The following PTPRG variants were observed in gnomAD, a reference collection of about 807,000 sequenced individuals.
The protein encoded by PTPRG is receptor-type tyrosine-protein phosphatase gamma.
In PTPRG, 102 loss-of-function variants were observed where a neutral mutation model predicts 165.3. That is an observed-to-expected ratio of 0.62 (90% CI 0.53 to 0.73). The LOEUF is 0.73. Ranked by LOEUF, PTPRG falls within the 30% of genes least tolerant of loss-of-function variation. The probability of loss-of-function intolerance (pLI) is 0.00; values close to 1 mark genes in which losing one functional copy is unlikely to be tolerated. For synonymous variants in PTPRG, 675 were observed against 669.5 expected (o/e 1.01, Z -0.13); for missense variants, 1,866 against 1,861.4 (o/e 1.00, Z -0.05).
At chr3:61,872,157 T>C (rs1261752818) in intron 2 of PTPRG, among the ~76,000 whole-genome samples, 2 of 152,202 alleles carry the variant, frequency 1.3e-5, no homozygotes, top group Non-Finnish European at 2.9e-5. Context: ...GAAAGTAACG[T>C]GTACTTTCAC....
intron 2 of PTPRG, among the ~76,000 whole-genome samples, chr3:61,814,483 A>C (rs2035696076): frequency 6.6e-6 from 1 of 152,108 alleles, no homozygotes; most frequent in Non-Finnish European, 1.5e-5. Context: ...TATCTGACTT[A>C]CTGTAGTTCA....
rs201891174 is a variant in PTPRG at position 62,225,518 on chromosome 3, G to T, written c.2289-5707G>T. On this transcript the variant is annotated intron_variant, in intron 13 of 29. Transcript: ENST00000474889. ...GTATTACAAAGATATTTTTAGTTTT[G>T]TTTTTTTTTTTTCTGTAATCCTGAG... Among the ~76,000 whole-genome samples the T allele has an allele frequency of 6.2e-4, 88 of 141,296 alleles. 2 individuals are homozygous for T. In the East Asian group the frequency reaches 0.011, roughly 18 times the overall value. The allele number at this position is 141,296 out of a possible 152,430, so 92.7% of individuals were successfully genotyped here. A position where few individuals can be genotyped will look rare whatever the true frequency, so the allele number is the denominator to read the frequency against.
chr3:61,670,764 T>C (rs1012810414), intron 1 of PTPRG, among the ~76,000 whole-genome samples: 2 of 152,210 alleles, frequency 1.3e-5, no homozygotes, highest in Non-Finnish European at 2.9e-5. Context: ...GAATTTGTCA[T>C]GGTTGAGTCT....
chr3:61,968,670 T>G (rs1250904183), intron 2 of PTPRG, among the ~76,000 whole-genome samples: 1 of 152,150 alleles, frequency 6.6e-6, no homozygotes, highest in Non-Finnish European at 1.5e-5. Flanking sequence ...AAAATTAAGG[T>G]GCTACCATTT....
chr3:61,729,302 A>C (rs1442608628), intron 1 of PTPRG, among the ~76,000 whole-genome samples: 1 of 149,780 alleles, frequency 6.7e-6, no homozygotes, highest in African/African-American at 2.6e-5. Context: ...GCTTGATACC[A>C]ACATTTTTAA....
chr3:62,125,295 A>G (rs1703247193), intron 5 of PTPRG, among the ~76,000 whole-genome samples: 1 of 152,202 alleles, frequency 6.6e-6, no homozygotes, highest in South Asian at 2.1e-4. Flanking sequence ...TGTTTGATCC[A>G]ATGTGCCTTG....
intron 5 of PTPRG, among the ~76,000 whole-genome samples, chr3:62,092,759 G>A (rs1701985904): frequency 2.0e-5 from 3 of 152,130 alleles, no homozygotes. Flanking sequence ...ACAGGTGACT[G>A]GTATGTAGTA....
Position 61,845,628 on chromosome 3 carries a change from A to T in PTPRG, c.190+96646A>T, listed in dbSNP as rs187715605. Among the ~76,000 whole-genome samples the T allele has an allele frequency of 4.6e-4, 70 of 152,320 alleles. 2 individuals carry two copies. Among genetic ancestry groups the T allele is most frequent in the African/African-American group, 1.6e-3 (68 of 41,578 alleles). On this transcript the variant is annotated intron_variant, in intron 2 of 29. Coordinates refer to ENST00000474889, the MANE Select transcript of PTPRG (RefSeq NM_002841.4). ...GAGTATTCTCTCTGTAAAGGTGTAT[A>T]TTGTGGAAGATGAAAAAAGGAAGCT...
intron 5 of PTPRG, among the ~76,000 whole-genome samples, chr3:62,110,089 CTTTTTTTTTTTTTT>C (rs371457716): frequency 1.3e-5 from 1 of 79,962 alleles, no homozygotes; most frequent in Admixed American, 1.6e-4. Flanking sequence ...GAAATAATGG[CTTTTTTTTTTTTTT>C]TTTTTTTTTG....
At chr3:61,998,615 AAATTTACTTCTT>A (rs2041096363) in intron 3 of PTPRG, among the ~76,000 whole-genome samples, 1 of 152,186 alleles carries the variant, frequency 6.6e-6, no homozygotes, top group African/African-American at 2.4e-5. Context: ...CCATGCTCAG[AAATTTACTTCTT>A]GTATCAAGAA....
At chr3:61,900,155 A>T (rs1353348676) in intron 2 of PTPRG, among the ~76,000 whole-genome samples, 2 of 151,212 alleles carry the variant, frequency 1.3e-5, no homozygotes, top group Non-Finnish European at 1.5e-5. Context: ...TTTTTTTTTT[A>T]AATACCCAAA....
chr3:61,984,834 C>T lies in PTPRG; in HGVS notation c.191-4791C>T, dbSNP rs115573963. On this transcript the variant is annotated intron_variant, in intron 2 of 29. Coordinates refer to ENST00000474889, the MANE Select transcript of PTPRG (RefSeq NM_002841.4). ...GATCTCTGACAGTGTTTTAGTCTTTCTCATGACCTTGACACTTTTGAGGAG... is the reference window on the plus strand; with the variant it reads ...GATCTCTGACAGTGTTTTAGTCTTTTTCATGACCTTGACACTTTTGAGGAG... Among the ~76,000 whole-genome samples, 925 of 152,310 alleles carry T rather than the reference C, an allele frequency of 6.1e-3. 15 individuals carry two copies. The highest frequency in any genetic ancestry group is 0.021 in the African/African-American group (883 of 41,564).
In PTPRG at chr3:61,807,263, C is replaced by G. The variant is rs866556678; in HGVS notation, c.190+58281C>G. On this transcript the variant is annotated intron_variant, in intron 2 of 29. Coordinates refer to ENST00000474889, the MANE Select transcript of PTPRG (RefSeq NM_002841.4). ...AGATTGATAAGAAAGGATTACCACTCTGAGAGACCCTAACTTGATGAGCAA... is the reference window on the plus strand; with the variant it reads ...AGATTGATAAGAAAGGATTACCACTGTGAGAGACCCTAACTTGATGAGCAA... Among the ~76,000 whole-genome samples the G allele has an allele frequency of 3.3e-5, 5 of 152,320 alleles. No homozygotes were observed. In the South Asian group the frequency reaches 6.2e-4, roughly 19 times the overall value.
chr3:62,240,322 G>A lies in PTPRG; in HGVS notation c.2376-3485G>A, dbSNP rs1701130325. On this transcript the variant is annotated intron_variant, in intron 14 of 29. Transcript: ENST00000474889. The surrounding 1 kb of genome is among the most constrained non-coding windows in gnomAD (Gnocchi z 5.1). Reference sequence around the variant, plus strand: ...TGCACTCCAGCCTGGATGACAGAGCGAGACTCCATCTCAAAATAAAATAAA... The same window carrying A: ...TGCACTCCAGCCTGGATGACAGAGCAAGACTCCATCTCAAAATAAAATAAA... 2.0e-5 allele frequency among the ~76,000 whole-genome samples: 3 copies of A among 152,024 alleles called. No homozygotes were observed. In the South Asian group the frequency reaches 6.2e-4, roughly 32 times the overall value.
At chr3:61,983,265 A>G (rs1172128845) in intron 2 of PTPRG, among the ~76,000 whole-genome samples, 6 of 152,184 alleles carry the variant, frequency 3.9e-5, no homozygotes, top group Non-Finnish European at 7.4e-5. Flanking sequence ...AAAGATTTTA[A>G]TTAAAACATG....
intron 12 of PTPRG, among the ~76,000 whole-genome samples, chr3:62,215,022 A>G (rs1700462182): frequency 1.3e-5 from 2 of 152,176 alleles, no homozygotes; most frequent in South Asian, 4.1e-4. Flanking sequence ...GGGAGGGGCA[A>G]AGGCAGAGAG....
chr3:61,602,233 C>A (rs1182179170), intron 1 of PTPRG, among the ~76,000 whole-genome samples: 1 of 151,834 alleles, frequency 6.6e-6, no homozygotes, highest in Admixed American at 6.6e-5. Context: ...TGAGACTGTA[C>A]CTGTCTTGCT....
chr3:61,923,278 C>T (rs62243235), intron 2 of PTPRG, among the ~76,000 whole-genome samples: 1 of 152,124 alleles, frequency 6.6e-6, no homozygotes, highest in African/African-American at 2.4e-5. Context: ...TGAAAATAAG[C>T]GATGGCTTTA....
At chr3:61,618,704 A>T (rs948386683) in intron 1 of PTPRG, among the ~76,000 whole-genome samples, 3 of 152,218 alleles carry the variant, frequency 2.0e-5, no homozygotes, top group African/African-American at 7.2e-5. Context: ...GCCTTTTTAA[A>T]CAATTGATCA....
Sources: gnomAD v4.1 joint callset for allele counts (sites outside exome capture counted in the v4.1 genomes callset) on GRCh38, gnomAD v4.1.1 for gene constraint, Gnocchi (gnomAD v3.1) non-coding constraint, MANE v1.5 for transcripts, NCBI Gene and HGNC (gene_info 2026-07-23, HGNC 2026-07-21) for gene names.